TBC1D5: variants seen among roughly 807,000 people sequenced by gnomAD.
TBC1D5 encodes TBC1 domain family, member 5.
In TBC1D5, 75 loss-of-function variants were observed where a neutral mutation model predicts 100.3. The ratio of observed to expected loss-of-function variants is 0.75; its 90% CI spans 0.62 to 0.91. TBC1D5 has a LOEUF of 0.91. Ranked by LOEUF, TBC1D5 falls within the 40% of genes least tolerant of loss-of-function variation. The pLI is 0.00. For synonymous variants in TBC1D5, 323 were observed against 325.6 expected, an observed-to-expected ratio of 0.99 and a Z score of 0.09; for missense variants, 910 against 942.4, an observed-to-expected ratio of 0.97 and a Z score of 0.45.
Position 17,284,125 on chromosome 3 carries a change from T to TACACACACACACACACACACAC in TBC1D5, c.1245+7769_1245+7770insGTGTGTGTGTGTGTGTGTGTGT, listed in dbSNP as rs1559549230. Reference sequence around the variant, plus strand: ...ACACACACACACACACACACACACGTATTTTTAATTTAGACAGAGTCTTGG... The same window carrying TACACACACACACACACACACAC: ...ACACACACACACACACACACACACGTACACACACACACACACACACACATTTTTAATTTAGACAGAGTCTTGG... On this transcript the variant is annotated intron_variant, in intron 15 of 21. Coordinates refer to ENST00000253692, the Ensembl canonical transcript of TBC1D5. 1.3e-4 allele frequency among the ~76,000 whole-genome samples: 7 copies of TACACACACACACACACACACAC among 53,458 alleles called. No homozygotes were observed. The South Asian group carries it at 2.8e-3, about 21-fold the overall frequency. 35.1% of individuals were successfully genotyped at this position (53,458 alleles called of 152,430 possible).
At chr3:17,477,917 A>G (rs1012146804) in intron 3 of TBC1D5, among the ~76,000 whole-genome samples, 7 of 152,140 alleles carry the variant, frequency 4.6e-5, no homozygotes, top group African/African-American at 1.2e-4. Context: ...AAATGTTCAC[A>G]TAAGAGAATA....
chr3:17,582,216 T>C (rs2096702972), intron 2 of TBC1D5, among the ~76,000 whole-genome samples: 1 of 152,228 alleles, frequency 6.6e-6, no homozygotes, highest in African/African-American at 2.4e-5. Flanking sequence ...TTCACTGTGA[T>C]AGCTCCTAAA....
intron 1 of TBC1D5, among the ~76,000 whole-genome samples, chr3:17,626,121 A>C (rs914751143): frequency 2.0e-5 from 3 of 152,154 alleles, no homozygotes; most frequent in African/African-American, 7.2e-5. Flanking sequence ...AATTTACCCT[A>C]ATCAAAATTT....
chr3:17,374,590 G>A (rs1306101802), intron 11 of TBC1D5, 39 bp downstream of exon 11: 1 of 1,608,320 alleles, frequency 6.2e-7, no homozygotes, highest in African/African-American at 1.3e-5. Context: ...AAATAATGAT[G>A]GTATAAAAAA....
At chr3:17,652,336 T>C (rs886979771) in intron 1 of TBC1D5, among the ~76,000 whole-genome samples, 3 of 152,006 alleles carry the variant, frequency 2.0e-5, no homozygotes, top group African/African-American at 7.2e-5. Flanking sequence ...CATATGAAAA[T>C]AAATTATTTA....
intron 2 of TBC1D5, among the ~76,000 whole-genome samples, chr3:17,521,517 G>A (rs951571361): frequency 2.0e-4 from 30 of 152,116 alleles, no homozygotes; most frequent in African/African-American, 6.5e-4. Context: ...TCAACAGTAG[G>A]CTATCAGTAG....
chr3:17,283,794 AAACT>A (rs1170538918), intron 15 of TBC1D5, among the ~76,000 whole-genome samples: 2 of 152,106 alleles, frequency 1.3e-5, no homozygotes, highest in African/African-American at 4.8e-5. Flanking sequence ...TAGGAAGAAC[AAACT>A]AATAGCAAGC....
At chr3:17,273,502 T>C (rs1290203483) in intron 15 of TBC1D5, among the ~76,000 whole-genome samples, 2 of 152,162 alleles carry the variant, frequency 1.3e-5, no homozygotes, top group Admixed American at 6.5e-5. Context: ...CTCCTCAGAA[T>C]TGACTCATTA....
intron 1 of TBC1D5, among the ~76,000 whole-genome samples, chr3:17,659,508 G>C (rs2066441864): frequency 6.6e-6 from 1 of 152,010 alleles, no homozygotes; most frequent in South Asian, 2.1e-4. Flanking sequence ...TATTCTGCTA[G>C]TTGCGTATCA....
intron 2 of TBC1D5, among the ~76,000 whole-genome samples, chr3:17,614,236 T>C (rs2153629891): frequency 6.6e-6 from 1 of 152,330 alleles, no homozygotes; most frequent in African/African-American, 2.4e-5. Flanking sequence ...TTATGTTCCA[T>C]TGCTCCATAT....
chr3:17,480,520 G>A (rs139625810), intron 3 of TBC1D5, among the ~76,000 whole-genome samples: 23 of 152,296 alleles, frequency 1.5e-4, no homozygotes, highest in African/African-American at 3.8e-4. Flanking sequence ...TACCAGCTAC[G>A]GGAAGGAGTT....
At chr3:17,515,021 A>G (rs1025572873) in intron 2 of TBC1D5, among the ~76,000 whole-genome samples, 32 of 151,978 alleles carry the variant, frequency 2.1e-4, no homozygotes, top group African/African-American at 7.5e-4. Context: ...TTTTCATAAA[A>G]TCAAGGTTAA....
At chr3:17,397,086 C>T (rs1162490396) in intron 8 of TBC1D5, among the ~76,000 whole-genome samples, 1 of 152,064 alleles carries the variant, frequency 6.6e-6, no homozygotes, top group Admixed American at 6.6e-5. Context: ...TAAACAGCCA[C>T]ATATGCCTGG....
intron 13 of TBC1D5, among the ~76,000 whole-genome samples, chr3:17,323,839 T>C (rs192575304): frequency 1.3e-5 from 2 of 152,264 alleles, no homozygotes; most frequent in Middle Eastern, 3.4e-3. Context: ...AAAATGTGAA[T>C]TGAAGAGCAA....
chr3:17,696,563 A>G (rs1225433083), intron 1 of TBC1D5, among the ~76,000 whole-genome samples: 2 of 152,216 alleles, frequency 1.3e-5, no homozygotes, highest in Admixed American at 1.3e-4. Flanking sequence ...CAAGAAGTTG[A>G]ATCTCTGAAT....
chr3:17,180,916 C>CAAAAA (rs76797012), intron 19 of TBC1D5, among the ~76,000 whole-genome samples: 31 of 96,068 alleles, frequency 3.2e-4, no homozygotes, highest in East Asian at 5.5e-4. Context: ...ACATTTACAC[C>CAAAAA]AAAAAAAAAA....
intron 16 of TBC1D5, among the ~76,000 whole-genome samples, chr3:17,246,836 CA>C (rs1380190243): frequency 1.3e-5 from 2 of 152,170 alleles, no homozygotes; most frequent in African/African-American, 4.8e-5. Flanking sequence ...AGGGTTAACT[CA>C]GCATACCTGT....
At chr3:17,546,808 A>G (rs1286456974) in intron 2 of TBC1D5, among the ~76,000 whole-genome samples, 1 of 152,038 alleles carries the variant, frequency 6.6e-6, no homozygotes, top group Non-Finnish European at 1.5e-5. Flanking sequence ...AGAAAGAAAG[A>G]AAGAAAGAAA....
At chr3:17,661,191 C>T (rs1447575183) in intron 1 of TBC1D5, among the ~76,000 whole-genome samples, 2 of 152,150 alleles carry the variant, frequency 1.3e-5, no homozygotes, top group African/African-American at 4.8e-5. Context: ...TCTACAAGGA[C>T]ACTCCGCTCA....
Sources: gnomAD v4.1 joint callset for allele counts (sites outside exome capture counted in the v4.1 genomes callset) on GRCh38, gnomAD v4.1.1 for gene constraint, MANE v1.5 for transcripts, NCBI Gene and HGNC (gene_info 2026-07-23, HGNC 2026-07-21) for gene names.